PTPRT: variants seen among roughly 807,000 people sequenced by gnomAD.
The protein encoded by PTPRT is protein tyrosine phosphatase receptor type T, also known as receptor-type tyrosine-protein phosphatase T.
PTPRT carries 56 observed loss-of-function variants against 176.8 expected under a neutral mutation model. The observed-to-expected ratio is 0.32, with a 90% CI of 0.26 to 0.40. The LOEUF is 0.40. Among genes scored for constraint, PTPRT ranks in the 10% least tolerant of loss-of-function variants. The pLI, the probability that PTPRT is intolerant of heterozygous loss-of-function variation, is 1.00. For missense variants in PTPRT, 1,540 were observed against 1,908.2 expected, an observed-to-expected ratio of 0.81 and a Z score of 3.60; for synonymous variants, 783 against 739.0, an observed-to-expected ratio of 1.06 and a Z score of -0.96.
chr20:42,829,250 T>C (rs1037694133), intron 2 of PTPRT, among the ~76,000 whole-genome samples: 3 of 152,164 alleles, frequency 2.0e-5, no homozygotes, highest in African/African-American at 7.2e-5. Context: ...TTGGCCAACA[T>C]CTCCCATTTG....
intron 4 of PTPRT, among the ~76,000 whole-genome samples, chr20:42,779,447 T>C (rs1456517980): frequency 6.6e-6 from 1 of 152,174 alleles, no homozygotes; most frequent in African/African-American, 2.4e-5. Flanking sequence ...GGGGCTGGCA[T>C]TCCAGGTATC....
intron 1 of PTPRT, among the ~76,000 whole-genome samples, chr20:43,013,417 T>C (rs1365359990): frequency 6.6e-6 from 1 of 152,180 alleles, no homozygotes; most frequent in African/African-American, 2.4e-5. Flanking sequence ...ACCTCTTTTG[T>C]GCCCAGAGGG....
chr20:42,580,900 T>A (rs2073359148), intron 7 of PTPRT, among the ~76,000 whole-genome samples: 1 of 152,164 alleles, frequency 6.6e-6, no homozygotes, highest in Non-Finnish European at 1.5e-5. Flanking sequence ...CTTTATTTCC[T>A]TCTCCTGCCT....
rs572681463 is a variant in PTPRT at position 43,015,557 on chromosome 20, T to G, written c.89-129625A>C. Among the ~76,000 whole-genome samples the G allele has an allele frequency of 4.8e-3, 724 of 152,258 alleles. 9 individuals are homozygous for G. The highest frequency in any genetic ancestry group is 0.017 in the African/African-American group (695 of 41,538). On this transcript the variant is annotated intron_variant, in intron 1 of 30. Transcript: ENST00000373187. ...GACACTTGGGAACGGGGATGGATAT[T>G]GGGATGGGCATGAACATACACACAC...
At chr20:42,699,831 TTG>T (rs1291855042) in intron 6 of PTPRT, among the ~76,000 whole-genome samples, 1 of 152,190 alleles carries the variant, frequency 6.6e-6, no homozygotes, top group African/African-American at 2.4e-5. Context: ...TTTTCTGTGA[TTG>T]TGTTACCAGT....
chr20:42,707,340 C>T (rs1408831183), intron 6 of PTPRT, among the ~76,000 whole-genome samples: 3 of 152,082 alleles, frequency 2.0e-5, no homozygotes, highest in African/African-American at 7.2e-5. Flanking sequence ...CATGCATATG[C>T]CGAGATAGCA....
chr20:42,266,897 T>C (rs1422185146), intron 13 of PTPRT, among the ~76,000 whole-genome samples: 1 of 152,208 alleles, frequency 6.6e-6, no homozygotes, highest in Non-Finnish European at 1.5e-5. Flanking sequence ...AGGAACTGAA[T>C]TTAAAAATTT....
At chr20:42,470,418 CT>C (rs1408205319) in intron 8 of PTPRT, among the ~76,000 whole-genome samples, 1 of 152,150 alleles carries the variant, frequency 6.6e-6, no homozygotes, top group Non-Finnish European at 1.5e-5. Context: ...TCTCCCCTTC[CT>C]TGTCCCACTT....
chr20:42,176,693 C>T (rs1331134423), intron 16 of PTPRT, among the ~76,000 whole-genome samples: 2 of 152,154 alleles, frequency 1.3e-5, no homozygotes, highest in Non-Finnish European at 2.9e-5. Context: ...CTAAGGAATG[C>T]AAAATAGTTG....
chr20:42,947,030 T>A (rs184579279), intron 1 of PTPRT, among the ~76,000 whole-genome samples: 1 of 152,248 alleles, frequency 6.6e-6, no homozygotes, highest in Admixed American at 6.5e-5. Context: ...TACAGGGAGA[T>A]TTCTGACTGA....
intron 13 of PTPRT, among the ~76,000 whole-genome samples, chr20:42,275,438 T>C (rs2057012723): frequency 6.6e-6 from 1 of 152,168 alleles, no homozygotes; most frequent in African/African-American, 2.4e-5. Flanking sequence ...AGTAGATAAT[T>C]CTTATTTCTA....
At chr20:42,247,405 G>C (rs948074905) in intron 14 of PTPRT, among the ~76,000 whole-genome samples, 8 of 152,152 alleles carry the variant, frequency 5.3e-5, no homozygotes, top group African/African-American at 1.9e-4. Flanking sequence ...TGGGGATATT[G>C]CTTTTAAAAA....
At chr20:42,812,205 A>G (rs1415885603) in intron 2 of PTPRT, among the ~76,000 whole-genome samples, 1 of 151,944 alleles carries the variant, frequency 6.6e-6, no homozygotes, top group Non-Finnish European at 1.5e-5. Flanking sequence ...CCTGGAATAC[A>G]TTGTCTCTTT....
At chr20:42,380,002 C>T (rs2058684406) in intron 9 of PTPRT, among the ~76,000 whole-genome samples, 2 of 152,192 alleles carry the variant, frequency 1.3e-5, no homozygotes, top group South Asian at 2.1e-4. Flanking sequence ...GACTCCTTCA[C>T]TCCCAAAGCT....
At chr20:42,214,545 T>C (rs1211895473) in intron 15 of PTPRT, among the ~76,000 whole-genome samples, 1 of 152,216 alleles carries the variant, frequency 6.6e-6, no homozygotes. Context: ...TCATGACAAT[T>C]TGAAAGGCCA....
chr20:42,632,165 G>C (rs1225346520), intron 7 of PTPRT, among the ~76,000 whole-genome samples: 2 of 152,118 alleles, frequency 1.3e-5, no homozygotes, highest in Non-Finnish European at 2.9e-5. Flanking sequence ...CTGTTGCTGA[G>C]AGGATGAAGC....
intron 7 of PTPRT, among the ~76,000 whole-genome samples, chr20:42,676,298 C>T (rs2075500675): frequency 6.6e-6 from 1 of 151,992 alleles, no homozygotes. Context: ...TTCCATAATC[C>T]CTGTGGTTTT....
intron 7 of PTPRT, among the ~76,000 whole-genome samples, chr20:42,658,391 G>A (rs1030851438): frequency 1.3e-5 from 2 of 152,124 alleles, no homozygotes; most frequent in Non-Finnish European, 2.9e-5. Flanking sequence ...TTGCGCTTAG[G>A]AACATCAGAT....
At chr20:42,853,660 A>G (rs2078514221) in intron 2 of PTPRT, among the ~76,000 whole-genome samples, 1 of 152,224 alleles carries the variant, frequency 6.6e-6, no homozygotes, top group South Asian at 2.1e-4. Flanking sequence ...TTCTTTACTA[A>G]GTCTTCTGAT....
Sources: allele counts gnomAD v4.1 joint callset (sites outside exome capture counted in the v4.1 genomes callset), GRCh38; gene constraint gnomAD v4.1.1; transcripts MANE v1.5; gene names NCBI Gene and HGNC (gene_info 2026-07-23, HGNC 2026-07-21).